The following MAPK6 variants were observed in gnomAD, a reference collection of about 807,000 sequenced individuals.
MAPK6 encodes the protein ERK-3.
Under a neutral mutation model 59.3 loss-of-function variants are expected in MAPK6, and 19 were observed. The observed-to-expected ratio is 0.32, with a 90% CI of 0.22 to 0.47. The LOEUF (loss-of-function observed/expected upper bound fraction) is 0.47. MAPK6 is among the 20% of genes least tolerant of loss of function. MAPK6 has a pLI of 1.00. For missense variants in MAPK6, 724 were observed against 847.9 expected (o/e 0.85, Z 1.81); for synonymous variants, 316 against 290.3 (o/e 1.09, Z -0.90).
intron 2 of MAPK6, among the ~76,000 whole-genome samples, chr15:52,000,329 T>G (rs1300370628): frequency 6.6e-6 from 1 of 152,226 alleles, no homozygotes; most frequent in Non-Finnish European, 1.5e-5. Flanking sequence ...TGGTTGCCTG[T>G]GCTGTTGGTG....
rs565816359 is a variant in MAPK6 at position 52,036,932 on chromosome 15, A to T, written c.-631-8898A>T. 1.2e-3 allele frequency among the ~76,000 whole-genome samples: 187 copies of T among 152,056 alleles called. 1 individual carries two copies. The highest frequency in any genetic ancestry group is 2.1e-3 in the Non-Finnish European group (143 of 67,982). On this transcript the variant is annotated intron_variant, in intron 1 of 5. Transcript: ENST00000261845. ...CAGCCAAATCTTGTAAGCCTTCTTC[A>T]GTTTGGAGAAAATGAGAAATAAAGA...
chr15:52,055,062 G>A (rs2031922222), intron 3 of MAPK6, among the ~76,000 whole-genome samples: 1 of 152,204 alleles, frequency 6.6e-6, no homozygotes, highest in Admixed American at 6.5e-5. Flanking sequence ...TTACAGGCAA[G>A]AGCCACCGTG....
intron 5 of MAPK6, among the ~76,000 whole-genome samples, chr15:52,062,184 G>A (rs1356138946): frequency 6.6e-6 from 1 of 151,172 alleles, no homozygotes; most frequent in Non-Finnish European, 1.5e-5. Flanking sequence ...CGAGTAGCTG[G>A]GATTACAGGT....
chr15:52,011,887 A>G (rs538765402), intron 3 of MAPK6, among the ~76,000 whole-genome samples: 3 of 152,370 alleles, frequency 2.0e-5, no homozygotes, highest in Admixed American at 2.0e-4. Context: ...GAGTATAAAC[A>G]GACACACAGA....
chr15:52,025,750 T>C (rs777600852), intron 1 of MAPK6, among the ~76,000 whole-genome samples: 3 of 152,034 alleles, frequency 2.0e-5, no homozygotes, highest in Non-Finnish European at 2.9e-5. Flanking sequence ...TGAGCGCCAC[T>C]GCACTCCAGT....
intron 1 of MAPK6, chr15:52,033,639 G>C (rs1405549171): frequency 6.6e-6 from 1 of 152,128 alleles, no homozygotes; most frequent in Non-Finnish European, 1.5e-5. Context: ...TTCTTCCCCA[G>C]CTTGCAGACG....
intron 3 of MAPK6, among the ~76,000 whole-genome samples, chr15:52,011,774 G>A (rs545097279): frequency 6.6e-6 from 1 of 152,276 alleles, no homozygotes; most frequent in South Asian, 2.1e-4. Context: ...ACTGTACTTG[G>A]CAATGAATTT....
intron 1 of MAPK6, among the ~76,000 whole-genome samples, chr15:51,973,519 A>G (rs2057146337): frequency 6.6e-6 from 1 of 151,850 alleles, no homozygotes; most frequent in Admixed American, 6.6e-5. Context: ...ATCTTAATAA[A>G]TTGAATTACA....
chr15:52,061,946 G>C (rs1356602918), intron 5 of MAPK6, among the ~76,000 whole-genome samples: 1 of 151,786 alleles, frequency 6.6e-6, no homozygotes, highest in Middle Eastern at 3.2e-3. Context: ...GTGATTTTAT[G>C]AATGTCAAAA....
intron 2 of MAPK6, among the ~76,000 whole-genome samples, chr15:52,049,108 A>C (rs948926728): frequency 1.3e-5 from 2 of 152,202 alleles, no homozygotes; most frequent in African/African-American, 4.8e-5. Context: ...AGGATGAAAT[A>C]AGGCAATATA....
chr15:52,050,555 A>G (rs967395447), intron 3 of MAPK6, among the ~76,000 whole-genome samples: 2 of 152,246 alleles, frequency 1.3e-5, no homozygotes, highest in Non-Finnish European at 2.9e-5. Context: ...TTAGAAGTCT[A>G]AAGAAGTGTG....
At chr15:52,060,272 C>CT (rs367703173) in intron 4 of MAPK6, among the ~76,000 whole-genome samples, 62 of 152,208 alleles carry the variant, frequency 4.1e-4, no homozygotes, top group African/African-American at 1.5e-3. Flanking sequence ...GAAAAGGGTT[C>CT]TTTCTAGAGT....
chr15:52,010,046 C>T (rs1199404824), intron 3 of MAPK6, among the ~76,000 whole-genome samples: 1 of 152,144 alleles, frequency 6.6e-6, no homozygotes, highest in Non-Finnish European at 1.5e-5. Context: ...GCTGGGATTA[C>T]AGGCGTGAGT....
rs3222636 is a variant in MAPK6 at position 52,066,763 on chromosome 15, CGTGTGTGTGTGTGTGTGTGT to C, written c.*1774_*1793del. ...GGATTCACAAAGCCATATATATACA[CGTGTGTGTGTGTGTGTGTGT>C]GTGTGTGTGTATATATATTCATTTA... On this transcript the variant is annotated 3_prime_UTR_variant, in exon 6 of 6. Transcript: ENST00000261845. 2 of 148,858 alleles carry C rather than the reference CGTGTGTGTGTGTGTGTGTGT, an allele frequency of 1.3e-5. No homozygotes were observed. Among genetic ancestry groups the C allele is most frequent in the Admixed American group, 6.7e-5 (1 of 14,904 alleles). 9.2% of individuals were successfully genotyped at this position (148,858 alleles called of 1,614,324 possible).
intron 1 of MAPK6, among the ~76,000 whole-genome samples, chr15:52,037,882 C>T (rs537615792): frequency 2.0e-5 from 3 of 152,220 alleles, no homozygotes; most frequent in Non-Finnish European, 4.4e-5. Context: ...TTACCAGGTA[C>T]TATGCTTAGG....
At chr15:51,995,579 G>A (rs969562209) in intron 2 of MAPK6, among the ~76,000 whole-genome samples, 1 of 152,132 alleles carries the variant, frequency 6.6e-6, no homozygotes, top group Non-Finnish European at 1.5e-5. Flanking sequence ...AAGACTTATA[G>A]GACAAACTAT....
chr15:52,048,736 C>G (rs2031676339), intron 2 of MAPK6, among the ~76,000 whole-genome samples: 1 of 150,556 alleles, frequency 6.6e-6, no homozygotes, highest in African/African-American at 2.4e-5. Flanking sequence ...TGAGACCAAC[C>G]TGCGCAGTGG....
chr15:52,007,174 C>T (rs907964754), intron 3 of MAPK6, among the ~76,000 whole-genome samples: 3 of 152,106 alleles, frequency 2.0e-5, no homozygotes, highest in Admixed American at 1.3e-4. Context: ...AAGTGCTGCT[C>T]CCAAGTGTGG....
upstream of MAPK6, among the ~76,000 whole-genome samples, chr15:52,014,703 TAAA>T (rs796259080): frequency 4.2e-5 from 5 of 119,448 alleles, no homozygotes; most frequent in African/African-American, 6.6e-5. Flanking sequence ...TGAGATTTTC[TAAA>T]AAAAAAAAAA....
Sources: gnomAD v4.1 joint callset for allele counts (sites outside exome capture counted in the v4.1 genomes callset) on GRCh38, gnomAD v4.1.1 for gene constraint, MANE v1.5 for transcripts, NCBI Gene and HGNC (gene_info 2026-07-23, HGNC 2026-07-21) for gene names.